The following PCDHGA3 variants were observed in gnomAD, a reference collection of about 807,000 sequenced individuals.
The protein encoded by PCDHGA3 is protocadherin gamma-A3.
Under a neutral mutation model 58.5 loss-of-function variants are expected in PCDHGA3, and 40 were observed. That is an observed-to-expected ratio of 0.68 (90% confidence interval 0.53 to 0.89). PCDHGA3 has a LOEUF of 0.89. Ranked by LOEUF, PCDHGA3 falls within the 40% of genes least tolerant of loss-of-function variation. The pLI is 0.00. For missense variants in PCDHGA3, 1,223 were observed against 1,195.9 expected (o/e 1.02, Z -0.33); for synonymous variants, 530 against 525.7 (o/e 1.01, Z -0.11).
intron 1 of PCDHGA3, among the ~76,000 whole-genome samples, chr5:141,438,641 C>T (rs1285585706): frequency 0.044 from 3,509 of 79,018 alleles, 123 homozygotes; most frequent in Non-Finnish European, 0.061. Flanking sequence ...TATATACACA[C>T]ACACACACAC....
At chr5:141,459,763 G>A (rs1243169814) in intron 1 of PCDHGA3, among the ~76,000 whole-genome samples, 1 of 152,206 alleles carries the variant, frequency 6.6e-6, no homozygotes, top group South Asian at 2.1e-4. Context: ...GTGGGTGTGT[G>A]ATACTATCTC....
At chr5:141,400,165 C>T (rs749867110) in intron 1 of PCDHGA3, 2 of 1,614,040 alleles carry the variant, frequency 1.2e-6, no homozygotes, top group South Asian at 2.2e-5. Flanking sequence ...ACCCTCTGAC[C>T]CCCAGGCTGA....
chr5:141,407,706 G>C (rs1350991580), intron 1 of PCDHGA3, among the ~76,000 whole-genome samples: 3 of 152,006 alleles, frequency 2.0e-5, no homozygotes, highest in Admixed American at 1.3e-4. Context: ...GTTGAAGGTG[G>C]GGTGATGGCT....
chr5:141,375,065 C>T (rs1366674805), intron 1 of PCDHGA3: 36 of 1,613,814 alleles, frequency 2.2e-5, no homozygotes, highest in Middle Eastern at 1.6e-4. Context: ...GCCAGGTCTT[C>T]GAGACAGAGC....
At chr5:141,428,004 G>A in intron 1 of PCDHGA3, 1 of 1,601,732 alleles carries the variant, frequency 6.2e-7, no homozygotes, top group Non-Finnish European at 8.5e-7. Flanking sequence ...CGCACTCTTC[G>A]ATATAGTGCC....
In PCDHGA3 at chr5:141,393,718, C is replaced by G. The variant is rs185464441; in HGVS notation, c.2424+47261C>G. Reference sequence around the variant, plus strand: ...CTTAATGAAAATACTGGGGAAATATCAATAGCAAAAAGTCTAGATTATGAA... The same window carrying G: ...CTTAATGAAAATACTGGGGAAATATGAATAGCAAAAAGTCTAGATTATGAA... On this transcript the variant is annotated intron_variant, in intron 1 of 3. Transcript: ENST00000253812. 1.4e-4 allele frequency: 220 copies of G among 1,613,644 alleles called. 1 individual carries two copies. Among genetic ancestry groups the G allele is most frequent in the Non-Finnish European group, 1.8e-4 (214 of 1,179,840 alleles).
intron 1 of PCDHGA3, chr5:141,376,173 T>C (rs531193543): frequency 1.3e-5 from 21 of 1,614,092 alleles, no homozygotes; most frequent in East Asian, 2.2e-5. Flanking sequence ...GTGGTGGCGG[T>C]GGCCGCGGTC....
intron 1 of PCDHGA3, chr5:141,393,663 AT>A (rs1334579066): frequency 6.2e-7 from 1 of 1,613,820 alleles, no homozygotes; most frequent in East Asian, 2.2e-5. Flanking sequence ...ATTCCGGAAA[AT>A]TAATGAAAAA....
At position 141,382,875 on chromosome 5, in the gene PCDHGA3, C is replaced by T. The variant is rs531192742; in HGVS notation, c.2424+36418C>T. On this transcript the variant is annotated intron_variant, in intron 1 of 3. Transcript: ENST00000253812. ...TCTGAAGCACTTCCCGAGATCGGCG[C>T]CTAAGCAAGAGAAGCAGGACGACTA... 5 of 1,524,466 alleles carry T rather than the reference C, an allele frequency of 3.3e-6. No individual in the cohort carries two copies. In the East Asian group the frequency reaches 1.1e-4, roughly 35 times the overall value. The allele number at this position is 1,524,466 out of a possible 1,614,324, so 94.4% of individuals were successfully genotyped here. A position where few individuals can be genotyped will look rare whatever the true frequency, so the allele number is the denominator to read the frequency against.
In PCDHGA3 at chr5:141,403,600, T is replaced by C. The variant is rs530169293; in HGVS notation, c.2424+57143T>C. 72 of 1,613,786 alleles carry C rather than the reference T, an allele frequency of 4.5e-5. 1 individual carries two copies. The East Asian group carries it at 1.6e-3, about 35-fold the overall frequency. On this transcript the variant is annotated intron_variant, in intron 1 of 3. Coordinates refer to ENST00000253812, the MANE Select transcript of PCDHGA3 (RefSeq NM_018916.4). ...ACCACCTGGTCCTCACGGCCTCGGATGGCGGCGAGCCGCGTCGCTCCAGCA... is the reference window on the plus strand; with the variant it reads ...ACCACCTGGTCCTCACGGCCTCGGACGGCGGCGAGCCGCGTCGCTCCAGCA...
intron 3 of PCDHGA3, among the ~76,000 whole-genome samples, chr5:141,506,202 G>A (rs911181875): frequency 6.6e-6 from 1 of 152,184 alleles, no homozygotes; most frequent in Non-Finnish European, 1.5e-5. Context: ...TGTAATCCCA[G>A]CACTTTGGGA....
chr5:141,347,669 C>T (rs998116110), intron 1 of PCDHGA3, among the ~76,000 whole-genome samples: 2 of 151,816 alleles, frequency 1.3e-5, no homozygotes, highest in Admixed American at 1.3e-4. Flanking sequence ...CGCCTGTAAT[C>T]CAAGCTACTT....
intron 2 of PCDHGA3, among the ~76,000 whole-genome samples, chr5:141,499,115 C>G (rs940275925): frequency 6.6e-6 from 1 of 152,124 alleles, no homozygotes; most frequent in Non-Finnish European, 1.5e-5. Flanking sequence ...CACCACTATC[C>G]CTTCTCAGGT....
At chr5:141,355,300 T>A (rs1193183986) in intron 1 of PCDHGA3, 2 of 1,613,914 alleles carry the variant, frequency 1.2e-6, no homozygotes, top group Non-Finnish European at 8.5e-7. Flanking sequence ...GATTCTCTAC[T>A]CGGTGTTTGA....
At chr5:141,470,416 A>AT (rs1300623208) in intron 1 of PCDHGA3, among the ~76,000 whole-genome samples, 3 of 152,134 alleles carry the variant, frequency 2.0e-5, no homozygotes, top group African/African-American at 7.2e-5. Flanking sequence ...GATTTTATGT[A>AT]TTTTTTCCTT....
rs369544604 is a variant in PCDHGA3, at chr5:141,345,671, G to A, written c.1638G>A (p.Val546=). ...DSGNPPLSSN[V]SLNLFVLDQN... ...GGAACCCTCCACTCAGCAGCAACGT[G>A]TCGCTGAACCTGTTCGTGCTGGACC... Residue 546 remains valine, a synonymous_variant, in exon 1 of 4, where the codon GTG becomes GTA. Transcript: ENST00000253812. The A allele has an allele frequency of 4.3e-6, 7 of 1,614,166 alleles. No individual in the cohort carries two copies. The highest frequency in any genetic ancestry group is 5.9e-6 in the Non-Finnish European group (7 of 1,180,042).
rs1242637725 is a variant in PCDHGA3 at position 141,432,619 on chromosome 5, T to G, written c.2425-62188T>G. 3.1e-6 allele frequency: 5 copies of G among 1,612,618 alleles called. No homozygotes were observed. The highest frequency in any genetic ancestry group is 1.7e-5 in the Admixed American group (1 of 59,934). On this transcript the variant is annotated intron_variant, in intron 1 of 3. Transcript: ENST00000253812. This position sits in a 1 kb window ranked among gnomAD's most constrained non-coding sequence, Gnocchi z 6.0. ...GCGAGCCGGGACTCTTCTCGGTGGG[T>G]CTGCACACGGGCGAGGTGCGCACGG... is the stretch of plus-strand genomic sequence containing the variant.
intron 1 of PCDHGA3, among the ~76,000 whole-genome samples, chr5:141,442,702 T>A (rs1301940560): frequency 1.3e-5 from 2 of 152,342 alleles, no homozygotes; most frequent in African/African-American, 4.8e-5. Context: ...GACAAGAGTA[T>A]CAGACATGCC....
intron 1 of PCDHGA3, chr5:141,414,982 G>A (rs1415279007): frequency 3.7e-6 from 6 of 1,613,712 alleles, no homozygotes; most frequent in Admixed American, 1.7e-5. Flanking sequence ...CAGAGACTCC[G>A]GCCAGAACGC....
Sources: allele counts gnomAD v4.1 joint callset (sites outside exome capture counted in the v4.1 genomes callset), GRCh38; gene constraint gnomAD v4.1.1; non-coding constraint Gnocchi (gnomAD v3.1); transcripts MANE v1.5; gene names NCBI Gene and HGNC (gene_info 2026-07-23, HGNC 2026-07-21).